The following SMAD3 variants were observed in gnomAD, a reference collection of about 807,000 sequenced individuals.
The protein encoded by SMAD3 is SMAD family member 3.
SMAD3 carries 12 observed loss-of-function variants against 51.8 expected under a neutral mutation model. That is an observed-to-expected ratio of 0.23 (90% confidence interval 0.15 to 0.38). The LOEUF (loss-of-function observed/expected upper bound fraction) is 0.38. Among genes scored for constraint, SMAD3 ranks in the 10% least tolerant of loss-of-function variants. The pLI, the probability that SMAD3 is intolerant of heterozygous loss-of-function variation, is 1.00. For missense variants in SMAD3, 294 were observed against 565.6 expected (o/e 0.52, Z 4.87); for synonymous variants, 238 against 227.7 (o/e 1.05, Z -0.41).
At chr15:67,126,058 C>T (rs770233360) in intron 1 of SMAD3, 390 of 691,558 alleles carry the variant, frequency 5.6e-4, no homozygotes, top group Non-Finnish European at 6.0e-4. Context: ...ACTGTATGCT[C>T]GACACACACT....
intron 1 of SMAD3, chr15:67,146,915 G>A (rs1961990525): frequency 6.6e-6 from 1 of 152,224 alleles, no homozygotes; most frequent in Non-Finnish European, 1.5e-5. Context: ...CTGCTACCTG[G>A]TTACAGCCAG....
chr15:67,102,047 G>A (rs1236079979), intron 1 of SMAD3, among the ~76,000 whole-genome samples: 1 of 152,160 alleles, frequency 6.6e-6, no homozygotes, highest in Non-Finnish European at 1.5e-5. Flanking sequence ...CCATCAAATC[G>A]GATTATGAGG....
At chr15:67,103,944 G>T (rs1199187183) in intron 1 of SMAD3, among the ~76,000 whole-genome samples, 2 of 152,200 alleles carry the variant, frequency 1.3e-5, no homozygotes, top group African/African-American at 2.4e-5. Context: ...TTTTCCAGAG[G>T]TGTTGACGTT....
intron 1 of SMAD3, among the ~76,000 whole-genome samples, chr15:67,148,827 A>T (rs901449294): frequency 1.3e-5 from 2 of 152,218 alleles, no homozygotes; most frequent in African/African-American, 2.4e-5. Flanking sequence ...GCACGCTATC[A>T]GCTAATAATT....
At chr15:67,134,229 C>T (rs965083720) in intron 1 of SMAD3, among the ~76,000 whole-genome samples, 1 of 152,102 alleles carries the variant, frequency 6.6e-6, no homozygotes, top group Non-Finnish European at 1.5e-5. Flanking sequence ...CCCACCACTG[C>T]ACATTGAGAA....
At chr15:67,127,458 C>T (rs1961418213) in intron 1 of SMAD3, among the ~76,000 whole-genome samples, 1 of 152,200 alleles carries the variant, frequency 6.6e-6, no homozygotes, top group African/African-American at 2.4e-5. Context: ...TGCCCTTTCC[C>T]TCCTCTGAGC....
chr15:67,078,396 A>G (rs946378935), intron 1 of SMAD3, among the ~76,000 whole-genome samples: 3 of 152,306 alleles, frequency 2.0e-5, no homozygotes, highest in Non-Finnish European at 4.4e-5. Context: ...ATGATCATCA[A>G]TCAAGGCCAG....
chr15:67,070,773 T>C (rs1009476143), intron 1 of SMAD3, among the ~76,000 whole-genome samples: 24 of 151,874 alleles, frequency 1.6e-4, no homozygotes, highest in East Asian at 9.7e-4. Flanking sequence ...TCTGTTTTTT[T>C]CTGAAAAAAA....
chr15:67,157,957 G>A (rs1962328292), intron 1 of SMAD3, among the ~76,000 whole-genome samples: 2 of 152,140 alleles, frequency 1.3e-5, no homozygotes, highest in Non-Finnish European at 2.9e-5. Flanking sequence ...AAGACCTTTG[G>A]GGGTCTCTCA....
chr15:67,065,664 A>G lies in SMAD3; in HGVS notation c.-491A>G, dbSNP rs1358035777. 6.7e-6 allele frequency among the ~76,000 whole-genome samples: 1 copy of G among 150,340 alleles called. No individual in the cohort carries two copies. The highest frequency in any genetic ancestry group is 2.4e-5 in the African/African-American group (1 of 40,916). ...GCGCACGCCCCGGGCCGGCCCAGCC[A>G]GCGAGCGAGCGAGCGGCGAGCCGGG... On this transcript the variant is annotated 5_prime_UTR_variant, in exon 1 of 9. Coordinates refer to ENST00000327367, the MANE Select transcript of SMAD3 (RefSeq NM_005902.4).
At position 67,194,194 on chromosome 15, in the gene SMAD3, G is replaced by A. The variant is rs143991135; in HGVS notation, c.*3658G>A. 3.9e-3 allele frequency: 913 copies of A among 233,486 alleles called. 2 individuals are homozygous for A. The highest frequency in any genetic ancestry group is 6.5e-3 in the Non-Finnish European group (766 of 118,044). The allele number at this position is 233,486 out of a possible 1,614,324, so 14.5% of individuals were successfully genotyped here. ...TACCAGAACCAAACCTCAACACAGC[G>A]AAGCTGTACTGTCTTTGTGTGGCAA... On this transcript the variant is annotated 3_prime_UTR_variant, in exon 9 of 9. Transcript: ENST00000327367.
intron 1 of SMAD3, among the ~76,000 whole-genome samples, chr15:67,141,301 A>G (rs1363495745): frequency 6.6e-6 from 1 of 152,128 alleles, no homozygotes; most frequent in Non-Finnish European, 1.5e-5. Context: ...CCTAGTCTAC[A>G]TTTTGGGATG....
At position 67,083,911 on chromosome 15, in the gene SMAD3, G is replaced by C. The variant is rs561006288; in HGVS notation, c.206+17551G>C. 3.9e-5 allele frequency among the ~76,000 whole-genome samples: 6 copies of C among 152,260 alleles called. No homozygotes were observed. The East Asian group carries it at 1.2e-3, about 29-fold the overall frequency. ...AGCATCCTGTTTTCTGGGTGAGGTTGAGGGTCCTTGGCCTCTCTTGCTGGT... is the reference window on the plus strand; with the variant it reads ...AGCATCCTGTTTTCTGGGTGAGGTTCAGGGTCCTTGGCCTCTCTTGCTGGT... On this transcript the variant is annotated intron_variant, in intron 1 of 8. Transcript: ENST00000327367.
At chr15:67,119,845 G>A (rs970187283) in intron 1 of SMAD3, among the ~76,000 whole-genome samples, 1 of 152,114 alleles carries the variant, frequency 6.6e-6, no homozygotes, top group Admixed American at 6.5e-5. Context: ...CACCCAAGCT[G>A]GAGTGCAGTG....
chr15:67,156,026 G>A (rs926470194), intron 1 of SMAD3, among the ~76,000 whole-genome samples: 5 of 152,084 alleles, frequency 3.3e-5, no homozygotes, highest in African/African-American at 1.2e-4. Context: ...AGTGAACACG[G>A]GGATAGTAGG....
At chr15:67,119,581 C>T (rs935647162) in intron 1 of SMAD3, among the ~76,000 whole-genome samples, 8 of 152,144 alleles carry the variant, frequency 5.3e-5, no homozygotes, top group Non-Finnish European at 1.2e-4. Flanking sequence ...TGGATGGAAC[C>T]CTGGCTGAAT....
intron 1 of SMAD3, among the ~76,000 whole-genome samples, chr15:67,098,034 C>T (rs1198534716): frequency 3.3e-5 from 5 of 152,152 alleles, no homozygotes; most frequent in African/African-American, 7.2e-5. Flanking sequence ...CCTTGGTTTA[C>T]GCATCTGTCA....
At chr15:67,101,815 G>A (rs1960764381) in intron 1 of SMAD3, among the ~76,000 whole-genome samples, 2 of 152,206 alleles carry the variant, frequency 1.3e-5, no homozygotes. Context: ...TATGGAGTTG[G>A]TGTAAGCATC....
chr15:67,162,930 G>A (rs921412315), intron 1 of SMAD3, among the ~76,000 whole-genome samples: 1 of 147,874 alleles, frequency 6.8e-6, no homozygotes, highest in Non-Finnish European at 1.5e-5. Context: ...TTCATTGTGT[G>A]TAATTGTAGG....
Sources: gnomAD v4.1 joint callset for allele counts (sites outside exome capture counted in the v4.1 genomes callset) on GRCh38, gnomAD v4.1.1 for gene constraint, MANE v1.5 for transcripts, NCBI Gene and HGNC (gene_info 2026-07-23, HGNC 2026-07-21) for gene names.